GABRA3: variants seen among roughly 807,000 people sequenced by gnomAD.
GABRA3 encodes the protein gamma-aminobutyric acid receptor subunit alpha-3.
A neutral mutation model predicts 30.1 loss-of-function variants in GABRA3; 10 were observed. The ratio of observed to expected loss-of-function variants is 0.33; its 90% CI spans 0.20 to 0.56. The LOEUF (loss-of-function observed/expected upper bound fraction) is 0.56, where lower values mean the gene tolerates loss of function less well. Among genes scored for constraint, GABRA3 ranks in the 20% least tolerant of loss-of-function variants. The pLI, the probability that GABRA3 is intolerant of heterozygous loss-of-function variation, is 0.89. For synonymous variants in GABRA3, 151 were observed against 146.8 expected (o/e 1.03, Z -0.21); for missense variants, 233 against 392.0 (o/e 0.59, Z 3.42).
At chrX:152,384,744 T>G in intron 1 of GABRA3, among the ~76,000 whole-genome samples, 1 of 112,118 alleles carries the variant, frequency 8.9e-6, no homozygotes, top group Non-Finnish European at 1.9e-5. Flanking sequence ...AGGAAGCAAC[T>G]GTTAAAACAG....
intron 4 of GABRA3, among the ~76,000 whole-genome samples, chrX:152,262,968 A>C (rs1938757607): frequency 1.8e-5 from 2 of 111,954 alleles, no homozygotes; most frequent in Non-Finnish European, 3.8e-5. Flanking sequence ...GGGGGGCCTC[A>C]GGAAATTTAC....
At chrX:152,227,608 T>TAA (rs768191797) in intron 5 of GABRA3, among the ~76,000 whole-genome samples, 3 of 100,337 alleles carry the variant, frequency 3.0e-5, no homozygotes, top group African/African-American at 1.1e-4. Flanking sequence ...ATTTTTTTTT[T>TAA]TAAAAAAAAA....
chrX:152,203,904 T>C (rs1015226821), intron 7 of GABRA3, among the ~76,000 whole-genome samples: 6 of 111,902 alleles, frequency 5.4e-5, no homozygotes, highest in Non-Finnish European at 1.1e-4. Flanking sequence ...CCTAACATGT[T>C]CACAGGTTCT....
intron 1 of GABRA3, among the ~76,000 whole-genome samples, chrX:152,425,550 G>A (rs1308542258): frequency 9.0e-6 from 1 of 111,612 alleles, no homozygotes; most frequent in Non-Finnish European, 1.9e-5. Flanking sequence ...CCCTCAATCT[G>A]AGTTTGCCTG....
At chrX:152,210,981 A>C (rs1171033677) in intron 6 of GABRA3, among the ~76,000 whole-genome samples, 1 of 111,547 alleles carries the variant, frequency 9.0e-6, no homozygotes, top group Non-Finnish European at 1.9e-5. Flanking sequence ...TGATTTCACA[A>C]GACCCTTGTG....
intron 7 of GABRA3, among the ~76,000 whole-genome samples, chrX:152,200,945 T>C (rs1937475780): frequency 8.9e-6 from 1 of 112,095 alleles, no homozygotes. Flanking sequence ...AAAGGAATTC[T>C]CTTTAGTAAG....
intron 1 of GABRA3, among the ~76,000 whole-genome samples, chrX:152,374,955 G>A (rs182723560): frequency 9.0e-6 from 1 of 111,301 alleles, no homozygotes; most frequent in East Asian, 2.8e-4. Flanking sequence ...TTGTAGGTGT[G>A]TGGTCTTTTT....
chrX:152,285,788 A>G (rs7060548), intron 3 of GABRA3, among the ~76,000 whole-genome samples: 10,765 of 108,921 alleles, frequency 0.099, 798 homozygotes, highest in African/African-American at 0.25. Context: ...GGGGCTAGGG[A>G]GCTTGCTCAA....
chrX:152,289,301 G>A (rs1402338875), intron 3 of GABRA3, among the ~76,000 whole-genome samples: 2 of 108,989 alleles, frequency 1.8e-5, no homozygotes, highest in Non-Finnish European at 3.8e-5. Flanking sequence ...TTATCTTAGT[G>A]CTACCCTTTG....
chrX:152,273,844 T>A (rs1197436438), intron 4 of GABRA3, among the ~76,000 whole-genome samples: 4 of 111,479 alleles, frequency 3.6e-5, no homozygotes, highest in Non-Finnish European at 7.5e-5. Flanking sequence ...TTATTACCAC[T>A]GAACTGTACA....
intron 4 of GABRA3, among the ~76,000 whole-genome samples, chrX:152,256,482 A>G (rs2124414642): frequency 8.9e-6 from 1 of 111,957 alleles, no homozygotes; most frequent in African/African-American, 3.2e-5. Context: ...ATAGCTTATT[A>G]TCCTCAATAA....
intron 9 of GABRA3, chrX:152,171,335 A>T: frequency 6.7e-6 from 3 of 448,207 alleles, no homozygotes; most frequent in Non-Finnish European, 8.3e-6. Context: ...TTAATCACAG[A>T]TTTTTTAAGT....
chrX:152,322,662 T>C (rs1008129057), intron 3 of GABRA3, among the ~76,000 whole-genome samples: 2 of 107,003 alleles, frequency 1.9e-5, no homozygotes, highest in African/African-American at 6.9e-5. Flanking sequence ...GCCTCCCCAG[T>C]AGCTGGGATT....
At chrX:152,359,313 C>A (rs1309179354) in intron 2 of GABRA3, among the ~76,000 whole-genome samples, 2 of 110,551 alleles carry the variant, frequency 1.8e-5, no homozygotes, top group Non-Finnish European at 3.8e-5. Flanking sequence ...GGAATTTATC[C>A]ATTTCTTCTA....
rs770668337 is a variant in GABRA3, at chrX:152,168,188, G to A, written c.*40C>T. 5.3e-5 allele frequency: 59 copies of A among 1,106,817 alleles called. No individual in the cohort carries two copies. In the South Asian group the frequency reaches 6.3e-4, roughly 12 times the overall value. 91.2% of individuals were successfully genotyped at this position (1,106,817 alleles called of 1,213,427 possible). On this transcript the variant is annotated 3_prime_UTR_variant, in exon 10 of 10. Coordinates refer to ENST00000370314, the MANE Select transcript of GABRA3 (RefSeq NM_000808.4). ...GGGTTTGGGTGCCTGGATGCTTCAC[G>A]GGGTATACAGTGCTCTGGTTGCTGC... is the stretch of plus-strand genomic sequence containing the variant.
At chrX:152,184,033 T>C (rs1404499969) in intron 9 of GABRA3, among the ~76,000 whole-genome samples, 1 of 111,335 alleles carries the variant, frequency 9.0e-6, no homozygotes, top group Non-Finnish European at 1.9e-5. Flanking sequence ...TTTCCTTTAA[T>C]TTATTTTCCT....
intron 3 of GABRA3, among the ~76,000 whole-genome samples, chrX:152,286,044 A>T (rs1305907370): frequency 9.7e-6 from 1 of 103,038 alleles, no homozygotes; most frequent in African/African-American, 3.6e-5. Context: ...TGAAGTTTAT[A>T]GTATATAAAT....
chrX:152,374,540 T>C (rs1928944677), intron 1 of GABRA3, among the ~76,000 whole-genome samples: 1 of 109,589 alleles, frequency 9.1e-6, no homozygotes, highest in Non-Finnish European at 1.9e-5. Context: ...TTAGTAGAGA[T>C]AGGGTTTCAC....
intron 5 of GABRA3, among the ~76,000 whole-genome samples, chrX:152,240,732 C>T (rs1317885100): frequency 1.9e-4 from 19 of 100,262 alleles, no homozygotes; most frequent in African/African-American, 6.3e-4. Context: ...CTTCTCGCTT[C>T]ATTTCATTCA....
Sources: gnomAD v4.1 joint callset for allele counts (sites outside exome capture counted in the v4.1 genomes callset) on GRCh38, gnomAD v4.1.1 for gene constraint, MANE v1.5 for transcripts, NCBI Gene and HGNC (gene_info 2026-07-23, HGNC 2026-07-21) for gene names.